Variants in NOL4 observed in about 807,000 individuals in gnomAD.
NOL4 encodes cancer/testis antigen 125.
NOL4 carries 17 observed loss-of-function variants against 75.9 expected under a neutral mutation model. The ratio of observed to expected loss-of-function variants is 0.22; its 90% CI spans 0.15 to 0.34. NOL4 has a LOEUF of 0.34. NOL4 is among the 10% of genes least tolerant of loss of function. The probability of loss-of-function intolerance (pLI) is 1.00; values close to 1 mark genes in which losing one functional copy is unlikely to be tolerated. For synonymous variants in NOL4, 292 were observed against 289.9 expected (o/e 1.01, Z -0.07); for missense variants, 614 against 793.5 (o/e 0.77, Z 2.72).
intron 1 of NOL4, among the ~76,000 whole-genome samples, chr18:34,186,322 T>C (rs2034457259): frequency 6.6e-6 from 1 of 152,112 alleles, no homozygotes; most frequent in Non-Finnish European, 1.5e-5. Flanking sequence ...GATGGCCAAT[T>C]AAAGTTTAAA....
intron 10 of NOL4, among the ~76,000 whole-genome samples, chr18:33,861,991 G>A (rs569486621): frequency 6.6e-6 from 1 of 152,110 alleles, no homozygotes; most frequent in Non-Finnish European, 1.5e-5. Flanking sequence ...AACAAAGCTG[G>A]AGGCATCATG....
chr18:34,173,860 C>G (rs1037233659), intron 1 of NOL4, among the ~76,000 whole-genome samples: 2 of 152,130 alleles, frequency 1.3e-5, no homozygotes, highest in Non-Finnish European at 2.9e-5. Flanking sequence ...GAAAAGGATC[C>G]TCTGAACATG....
At chr18:33,950,262 A>G (rs1399009619) in intron 8 of NOL4, among the ~76,000 whole-genome samples, 1 of 152,024 alleles carries the variant, frequency 6.6e-6, no homozygotes, top group African/African-American at 2.4e-5. Flanking sequence ...AGTTAAAATT[A>G]AATGTTATAT....
At chr18:34,179,616 A>C (rs1484823859) in intron 1 of NOL4, among the ~76,000 whole-genome samples, 2 of 151,680 alleles carry the variant, frequency 1.3e-5, no homozygotes, top group East Asian at 3.8e-4. Flanking sequence ...ATGTTTAATA[A>C]TGAACAAATT....
At chr18:34,105,563 C>A (rs1411929401) in intron 2 of NOL4, among the ~76,000 whole-genome samples, 2 of 151,600 alleles carry the variant, frequency 1.3e-5, no homozygotes, top group Admixed American at 6.6e-5. Context: ...TAATTTAGCC[C>A]CAAGTAGGAG....
intron 5 of NOL4, among the ~76,000 whole-genome samples, chr18:34,029,242 G>A (rs576051242): frequency 6.6e-6 from 1 of 151,992 alleles, no homozygotes; most frequent in South Asian, 2.1e-4. Flanking sequence ...TTTATTTATG[G>A]CCTAGCTGTT....
At chr18:34,124,029 T>G (rs1013550058) in intron 2 of NOL4, among the ~76,000 whole-genome samples, 40 of 152,234 alleles carry the variant, frequency 2.6e-4, no homozygotes, top group Non-Finnish European at 5.7e-4. Context: ...TTTTTCTATC[T>G]CTGTTAGACA....
chr18:34,174,760 G>C (rs1568420319), intron 1 of NOL4, among the ~76,000 whole-genome samples: 4 of 152,030 alleles, frequency 2.6e-5, no homozygotes, highest in East Asian at 3.9e-4. Flanking sequence ...TACCACTTAT[G>C]AGTGAGAACA....
At chr18:33,972,114 A>C (rs1350408760) in intron 6 of NOL4, among the ~76,000 whole-genome samples, 1 of 151,748 alleles carries the variant, frequency 6.6e-6, no homozygotes, top group Non-Finnish European at 1.5e-5. Context: ...CAGTGAGCTG[A>C]GATCATGCCA....
chr18:33,887,735 C>T (rs1003812378), intron 9 of NOL4, among the ~76,000 whole-genome samples: 1 of 152,108 alleles, frequency 6.6e-6, no homozygotes, highest in Non-Finnish European at 1.5e-5. Context: ...CATGTCCCTA[C>T]AAAGGACATG....
intron 9 of NOL4, 66 bp downstream of exon 9, chr18:33,942,999 A>G: frequency 9.3e-7 from 1 of 1,080,078 alleles, no homozygotes; most frequent in South Asian, 1.3e-5. Context: ...TCTTCAACAT[A>G]AATCAAATTA....
intron 2 of NOL4, among the ~76,000 whole-genome samples, chr18:34,113,182 G>A (rs2079686453): frequency 6.6e-6 from 1 of 152,012 alleles, no homozygotes; most frequent in African/African-American, 2.4e-5. Flanking sequence ...GTCTCATCAT[G>A]TTGCCCAGTC....
intron 5 of NOL4, among the ~76,000 whole-genome samples, chr18:34,088,889 T>G (rs558919105): frequency 1.3e-5 from 2 of 152,234 alleles, no homozygotes; most frequent in South Asian, 4.1e-4. Flanking sequence ...ACATTAATCC[T>G]GAAGCATTCT....
rs1417914482 is a variant in NOL4 at position 33,886,927 on chromosome 18, T to TA, written c.1543-3504_1543-3503insT. ...CTAGATATATCTATATACATATATA[T>TA]CTATATATCTATATATCTAGATATA... On this transcript the variant is annotated intron_variant, in intron 9 of 10. Coordinates refer to ENST00000261592, the MANE Select transcript of NOL4 (RefSeq NM_003787.5). Among the ~76,000 whole-genome samples, 574 of 115,006 alleles carry TA rather than the reference T, an allele frequency of 5.0e-3. 7 individuals are homozygous for TA. The highest frequency in any genetic ancestry group is 6.6e-3 in the Non-Finnish European group (347 of 52,224). 75.4% of individuals were successfully genotyped at this position (115,006 alleles called of 152,430 possible).
At chr18:33,945,249 C>A (rs948729946) in intron 8 of NOL4, among the ~76,000 whole-genome samples, 2 of 151,572 alleles carry the variant, frequency 1.3e-5, no homozygotes, top group African/African-American at 4.8e-5. Context: ...TTCTTCGTTA[C>A]CTCGATTTTT....
intron 5 of NOL4, among the ~76,000 whole-genome samples, chr18:34,042,989 C>G (rs2076206542): frequency 6.6e-6 from 1 of 152,038 alleles, no homozygotes; most frequent in Non-Finnish European, 1.5e-5. Flanking sequence ...GCCTTAGTTT[C>G]CTTATAAGGA....
intron 10 of NOL4, among the ~76,000 whole-genome samples, chr18:33,880,099 T>A (rs2064170445): frequency 6.6e-6 from 1 of 152,116 alleles, no homozygotes; most frequent in East Asian, 1.9e-4. Context: ...TGAACAACTT[T>A]ATAAATATTT....
At chr18:34,085,783 A>C (rs909686635) in intron 5 of NOL4, among the ~76,000 whole-genome samples, 5 of 152,168 alleles carry the variant, frequency 3.3e-5, no homozygotes, top group Non-Finnish European at 5.9e-5. Context: ...TTTCATACCT[A>C]TCCTTTATAT....
At chr18:34,023,356 T>A in intron 5 of NOL4, 1 of 450,984 alleles carries the variant, frequency 2.2e-6, no homozygotes, top group Non-Finnish European at 4.5e-6. Flanking sequence ...AGATACTTTT[T>A]AAGAATTTAA....
Sources: gnomAD v4.1 joint callset for allele counts (sites outside exome capture counted in the v4.1 genomes callset) on GRCh38, gnomAD v4.1.1 for gene constraint, MANE v1.5 for transcripts, NCBI Gene and HGNC (gene_info 2026-07-23, HGNC 2026-07-21) for gene names.